TDRD3: variants seen among roughly 807,000 people sequenced by gnomAD.
The protein encoded by TDRD3 is tudor domain-containing protein 3.
TDRD3 carries 45 observed loss-of-function variants against 86.7 expected under a neutral mutation model. The observed-to-expected ratio is 0.52, with a 90% CI of 0.41 to 0.67. The LOEUF (loss-of-function observed/expected upper bound fraction) is 0.67, where lower values mean the gene tolerates loss of function less well. Among genes scored for constraint, TDRD3 ranks in the 30% least tolerant of loss-of-function variants. TDRD3 has a pLI of 0.00. For synonymous variants in TDRD3, 298 were observed against 301.7 expected (o/e 0.99, Z 0.13); for missense variants, 814 against 889.0 (o/e 0.92, Z 1.07).
At chr13:60,500,333 A>T (rs1195031911) in intron 8 of TDRD3, among the ~76,000 whole-genome samples, 18 of 152,210 alleles carry the variant, frequency 1.2e-4, no homozygotes, top group Non-Finnish European at 1.5e-5. Context: ...TGAAGGCACA[A>T]GTAAGTTACA....
intron 8 of TDRD3, among the ~76,000 whole-genome samples, chr13:60,502,717 C>T (rs1193336448): frequency 6.6e-6 from 1 of 152,078 alleles, no homozygotes; most frequent in Non-Finnish European, 1.5e-5. Flanking sequence ...CTTTACTGAC[C>T]ACAGGTCAGG....
chr13:60,570,397 G>T (rs1481227356), intron 13 of TDRD3, among the ~76,000 whole-genome samples: 1 of 152,106 alleles, frequency 6.6e-6, no homozygotes, highest in Non-Finnish European at 1.5e-5. Flanking sequence ...TTATCCAAAA[G>T]AAAGGCAGTA....
intron 8 of TDRD3, among the ~76,000 whole-genome samples, chr13:60,498,043 A>G (rs2137583178): frequency 6.6e-6 from 1 of 152,290 alleles, no homozygotes; most frequent in African/African-American, 2.4e-5. Flanking sequence ...GTGGATTAAA[A>G]GATGGCCCAC....
intron 13 of TDRD3, among the ~76,000 whole-genome samples, chr13:60,572,529 G>A (rs1334997156): frequency 6.6e-6 from 1 of 152,156 alleles, no homozygotes; most frequent in Non-Finnish European, 1.5e-5. Context: ...AAGAGAGATG[G>A]CAGAGACCTG....
chr13:60,460,092 A>T (rs2138050753), intron 3 of TDRD3, among the ~76,000 whole-genome samples: 1 of 152,328 alleles, frequency 6.6e-6, no homozygotes, highest in Non-Finnish European at 1.5e-5. Flanking sequence ...TTCATCCAGA[A>T]ATATAACTGT....
intron 12 of TDRD3, among the ~76,000 whole-genome samples, chr13:60,551,334 G>T (rs1463807115): frequency 6.6e-6 from 1 of 152,170 alleles, no homozygotes; most frequent in Non-Finnish European, 1.5e-5. Flanking sequence ...TAATTATTCA[G>T]TAAACATTTT....
chr13:60,511,511 A>G (rs1013393168), intron 10 of TDRD3, among the ~76,000 whole-genome samples: 5 of 152,228 alleles, frequency 3.3e-5, no homozygotes, highest in African/African-American at 1.2e-4. Flanking sequence ...AGCATGATGT[A>G]TTAGTTTTCT....
At chr13:60,560,381 G>C (rs1170383624) in intron 12 of TDRD3, among the ~76,000 whole-genome samples, 2 of 152,164 alleles carry the variant, frequency 1.3e-5, no homozygotes, top group East Asian at 3.8e-4. Context: ...AAATGGAAGA[G>C]GATCCATAAC....
In TDRD3 at chr13:60,397,466, T is replaced by C. The variant is rs1953953006; in HGVS notation, c.41+61T>C. The C allele has an allele frequency of 7.2e-6, 10 of 1,392,042 alleles. 1 individual carries two copies. Among genetic ancestry groups the C allele is most frequent in the African/African-American group, 4.5e-5 (3 of 66,330 alleles). 86.2% of individuals were successfully genotyped at this position (1,392,042 alleles called of 1,614,324 possible). On this transcript the variant is annotated intron_variant, in intron 1 of 13. Coordinates refer to ENST00000377881, the MANE Select transcript of TDRD3 (RefSeq NM_001146070.2). ...GTGCGGGCCGGGGCCCCAGGGAGGT[T>C]GGGTTGGGGGCGGCGGGGTGCGTGT...
At chr13:60,470,902 G>A (rs1170729887) in intron 5 of TDRD3, among the ~76,000 whole-genome samples, 1 of 152,020 alleles carries the variant, frequency 6.6e-6, no homozygotes, top group East Asian at 1.9e-4. Flanking sequence ...GTTTTGATTT[G>A]TATTTCCCTA....
At chr13:60,495,389 T>C (rs901422054) in intron 8 of TDRD3, among the ~76,000 whole-genome samples, 2 of 152,144 alleles carry the variant, frequency 1.3e-5, no homozygotes, top group Non-Finnish European at 1.5e-5. Flanking sequence ...GAGTAATTCA[T>C]GCAGAGCCAG....
At chr13:60,487,064 A>T (rs1179798612) in intron 7 of TDRD3, among the ~76,000 whole-genome samples, 1 of 152,188 alleles carries the variant, frequency 6.6e-6, no homozygotes, top group Non-Finnish European at 1.5e-5. Flanking sequence ...GGGGGCGGGG[A>T]AGGATGGTTG....
At chr13:60,523,573 CTTTTTTTT>C (rs67692021) in intron 10 of TDRD3, among the ~76,000 whole-genome samples, 2 of 105,054 alleles carry the variant, frequency 1.9e-5, no homozygotes, top group South Asian at 3.4e-4. Context: ...ATACATTTTT[CTTTTTTTT>C]TTTTTTTTTT....
chr13:60,529,716 T>C (rs1288969024), intron 11 of TDRD3, among the ~76,000 whole-genome samples: 1 of 152,096 alleles, frequency 6.6e-6, no homozygotes, highest in East Asian at 1.9e-4. Flanking sequence ...AAACCATTGC[T>C]TCTCGGCCTT....
chr13:60,486,725 T>C (rs892667440), intron 7 of TDRD3, among the ~76,000 whole-genome samples: 4 of 152,202 alleles, frequency 2.6e-5, no homozygotes, highest in Non-Finnish European at 4.4e-5. Flanking sequence ...CTAACTGTAA[T>C]TTAATTCCCA....
At chr13:60,559,314 G>A (rs1432950290) in intron 12 of TDRD3, among the ~76,000 whole-genome samples, 5 of 152,134 alleles carry the variant, frequency 3.3e-5, no homozygotes, top group Admixed American at 6.5e-5. Context: ...TGACTTAAGA[G>A]GTTGAGCTCT....
intron 10 of TDRD3, among the ~76,000 whole-genome samples, chr13:60,518,015 T>C (rs1256488276): frequency 6.6e-6 from 1 of 152,230 alleles, no homozygotes; most frequent in Non-Finnish European, 1.5e-5. Context: ...CTGGTTTATG[T>C]TGTTAGGACA....
At chr13:60,417,829 C>G (rs1954562678) in intron 1 of TDRD3, among the ~76,000 whole-genome samples, 1 of 152,132 alleles carries the variant, frequency 6.6e-6, no homozygotes, top group Non-Finnish European at 1.5e-5. Flanking sequence ...TCTTTACACT[C>G]TTGTTTTAGA....
intron 1 of TDRD3, among the ~76,000 whole-genome samples, chr13:60,413,150 C>T (rs1318233428): frequency 6.6e-6 from 1 of 151,746 alleles, no homozygotes; most frequent in Non-Finnish European, 1.5e-5. Context: ...GCTTGAATCA[C>T]TTTGTGTTTG....
Sources: allele counts gnomAD v4.1 joint callset (sites outside exome capture counted in the v4.1 genomes callset), GRCh38; gene constraint gnomAD v4.1.1; transcripts MANE v1.5; gene names NCBI Gene and HGNC (gene_info 2026-07-23, HGNC 2026-07-21).